PHACTR2: variants seen among roughly 807,000 people sequenced by gnomAD.
The protein encoded by PHACTR2 is chromosome 6 open reading frame 56.
PHACTR2 carries 30 observed loss-of-function variants against 76.0 expected under a neutral mutation model. The observed-to-expected ratio is 0.39, with a 90% CI of 0.30 to 0.54. The LOEUF (loss-of-function observed/expected upper bound fraction) is 0.54, where lower values mean the gene tolerates loss of function less well. PHACTR2 is among the 20% of genes least tolerant of loss of function. The probability of loss-of-function intolerance (pLI) is 0.61; values close to 1 mark genes in which losing one functional copy is unlikely to be tolerated. For synonymous variants in PHACTR2, 292 were observed against 292.5 expected (o/e 1.00, Z 0.02); for missense variants, 696 against 781.1 (o/e 0.89, Z 1.30).
At chr6:143,720,813 A>G (rs945035285) in intron 2 of PHACTR2, among the ~76,000 whole-genome samples, 1 of 151,992 alleles carries the variant, frequency 6.6e-6, no homozygotes, top group Admixed American at 6.6e-5. Context: ...AGATCTCGCT[A>G]TGTTGCCCAG....
chr6:143,574,336 G>A (rs953726374), intron 1 of PHACTR2, among the ~76,000 whole-genome samples: 4 of 152,116 alleles, frequency 2.6e-5, no homozygotes, highest in African/African-American at 7.2e-5. Context: ...ACATTCTATC[G>A]ATAAAAACAA....
intron 1 of PHACTR2, among the ~76,000 whole-genome samples, chr6:143,586,549 A>G (rs1775631911): frequency 6.6e-6 from 1 of 152,254 alleles, no homozygotes; most frequent in Non-Finnish European, 1.5e-5. Context: ...TTGAAGAGGC[A>G]GTGTTTCAGC....
chr6:143,729,721 A>C (rs928453823), intron 2 of PHACTR2, among the ~76,000 whole-genome samples: 10 of 152,088 alleles, frequency 6.6e-5, no homozygotes, highest in Admixed American at 2.6e-4. Context: ...CTTAATGTTC[A>C]GTTTGAGAGT....
At position 143,765,525 on chromosome 6, in the gene PHACTR2, T is replaced by C. The variant is rs777874434; in HGVS notation, c.959T>C (p.Val320Ala). Residue 320 changes from valine to alanine, a missense_variant, in exon 6 of 13, where the codon GTC (valine) becomes GCC (alanine). Around this residue, in one of 2 missense-constraint regions of PHACTR2, gnomAD observed 460 missense variants for 450.9 expected, o/e 1.02. Coordinates refer to ENST00000440869, the MANE Select transcript of PHACTR2 (RefSeq NM_001100164.2). This position sits in a 1 kb window ranked among gnomAD's most constrained non-coding sequence, Gnocchi z 4.1. ...RVESFKLEQT[V>A]PGAEEQNTGK... is the part of the protein sequence containing the mutation. ...GAGAGTTTCAAACTCGAACAGACTGTCCCTGGAGCTGAGGAGCAGAACACA... is the reference window on the plus strand; with the variant it reads ...GAGAGTTTCAAACTCGAACAGACTGCCCCTGGAGCTGAGGAGCAGAACACA... The C allele has an allele frequency of 6.2e-7, 1 of 1,614,202 alleles. No individual in the cohort carries two copies. Among genetic ancestry groups the C allele is most frequent in the African/African-American group, 1.3e-5 (1 of 75,038 alleles).
rs909830682 is a variant in PHACTR2 at position 143,546,418 on chromosome 6, T to C, written c.217+9211T>C. 6.6e-6 allele frequency among the ~76,000 whole-genome samples: 1 copy of C among 151,898 alleles called. No homozygotes were observed. Among genetic ancestry groups the C allele is most frequent in the Non-Finnish European group, 1.5e-5 (1 of 68,006 alleles). On this transcript the variant is annotated intron_variant, in intron 1 of 11. Transcript: ENST00000367584. This position sits in a 1 kb window ranked among gnomAD's most constrained non-coding sequence, Gnocchi z 4.9. ...CTTTGGACTGTGGCTAGGGCAAGAA[T>C]GTCAGAGGTACAATGCTTTGATTTT...
intron 2 of PHACTR2, among the ~76,000 whole-genome samples, chr6:143,719,238 A>T (rs933899507): frequency 4.7e-5 from 7 of 148,952 alleles, no homozygotes; most frequent in Non-Finnish European, 1.0e-4. Context: ...AAGAGGAAGG[A>T]ATCTTTCCTT....
rs571601440 is a variant in PHACTR2 at position 143,760,311 on chromosome 6, G to A, written c.455-90G>A. The A allele has an allele frequency of 8.5e-6, 10 of 1,177,712 alleles. No homozygotes were observed. Among genetic ancestry groups the A allele is most frequent in the South Asian group, 2.9e-5 (2 of 68,920 alleles). 73.0% of individuals were successfully genotyped at this position (1,177,712 alleles called of 1,614,324 possible). A position where few individuals can be genotyped will look rare whatever the true frequency, so the allele number is the denominator to read the frequency against. On this transcript the variant is annotated intron_variant, in intron 4 of 12. Coordinates refer to ENST00000440869, the MANE Select transcript of PHACTR2 (RefSeq NM_001100164.2). The surrounding 1 kb of genome is among the most constrained non-coding windows in gnomAD (Gnocchi z 6.4). ...TGATTCTCAAGTACCAAGCAGACACGCTTTGTGTCACTATCGTCATGTCTT... is the reference window on the plus strand; with the variant it reads ...TGATTCTCAAGTACCAAGCAGACACACTTTGTGTCACTATCGTCATGTCTT...
At chr6:143,740,032 G>A (rs189230805) in intron 2 of PHACTR2, among the ~76,000 whole-genome samples, 1 of 152,296 alleles carries the variant, frequency 6.6e-6, no homozygotes, top group East Asian at 1.9e-4. Flanking sequence ...GAAAGTAAAG[G>A]AATAAGAGAA....
Position 143,609,010 on chromosome 6 carries a change from G to C in PHACTR2, c.13+688G>C, listed in dbSNP as rs548168131. On this transcript the variant is annotated intron_variant, in intron 1 of 11. Coordinates refer to the PHACTR2 transcript ENST00000305766. Reference sequence around the variant, plus strand: ...ATTGAACTTTTAGAGGAGATATACTGTGAGATCATGCCCCATTTCAGTGTT... The same window carrying C: ...ATTGAACTTTTAGAGGAGATATACTCTGAGATCATGCCCCATTTCAGTGTT... Among the ~76,000 whole-genome samples the C allele has an allele frequency of 1.3e-4, 20 of 152,206 alleles. No homozygotes were observed. The South Asian group carries it at 3.9e-3, about 30-fold the overall frequency.
At position 143,598,980 on chromosome 6, in the gene PHACTR2, A is replaced by G. The variant is rs1775782639; in HGVS notation, c.217+61773A>G. ...TGTAATTAAATTTAGATAGCATCTC[A>G]CCCCTGACTCTTTTAGAACAATGAT... On this transcript the variant is annotated intron_variant, in intron 1 of 11. Transcript: ENST00000367584. This position sits in a 1 kb window ranked among gnomAD's most constrained non-coding sequence, Gnocchi z 4.1. Among the ~76,000 whole-genome samples the G allele has an allele frequency of 6.6e-6, 1 of 152,126 alleles. No homozygotes were observed. The highest frequency in any genetic ancestry group is 6.5e-5 in the Admixed American group (1 of 15,274).
chr6:143,541,227 T>C lies in PHACTR2; in HGVS notation c.217+4020T>C, dbSNP rs967840172. Among the ~76,000 whole-genome samples the C allele has an allele frequency of 2.6e-5, 4 of 152,260 alleles. No homozygotes were observed. Among genetic ancestry groups the C allele is most frequent in the East Asian group, 1.9e-4 (1 of 5,202 alleles). ...AGTTTTAGACAGATCCTGTTCGGTATTAAGGAGCTTTGATAACTTTTTAGT... is the reference window on the plus strand; with the variant it reads ...AGTTTTAGACAGATCCTGTTCGGTACTAAGGAGCTTTGATAACTTTTTAGT... On this transcript the variant is annotated intron_variant, in intron 1 of 11. Transcript: ENST00000367584. This position sits in a 1 kb window ranked among gnomAD's most constrained non-coding sequence, Gnocchi z 5.3.
chr6:143,673,228 G>T (rs530736746), upstream of PHACTR2, among the ~76,000 whole-genome samples: 1 of 151,992 alleles, frequency 6.6e-6, no homozygotes, highest in Non-Finnish European at 1.5e-5. Context: ...ATTTCAGAGG[G>T]GCATACAAAA....
rs1775225223 is a variant in PHACTR2, at chr6:143,774,347, G to C, written c.1589+132G>C. On this transcript the variant is annotated intron_variant, in intron 8 of 12. Coordinates refer to ENST00000440869, the MANE Select transcript of PHACTR2 (RefSeq NM_001100164.2). The surrounding 1 kb of genome is among the most constrained non-coding windows in gnomAD (Gnocchi z 5.4). ...CTGGCCTACTGGGTCTTTTAAAGTT[G>C]GTCTTGCATGATGAAACACTCGAAG... is the stretch of plus-strand genomic sequence containing the variant. The C allele has an allele frequency of 1.7e-6, 1 of 601,806 alleles. No homozygotes were observed. Among genetic ancestry groups the C allele is most frequent in the African/African-American group, 1.9e-5 (1 of 52,254 alleles). 37.3% of individuals were successfully genotyped at this position (601,806 alleles called of 1,614,324 possible).
chr6:143,772,432 C>T lies in PHACTR2; in HGVS notation c.1407C>T (p.Asp469=), dbSNP rs1288063986. The T allele has an allele frequency of 1.3e-5, 21 of 1,613,746 alleles. No homozygotes were observed. Among genetic ancestry groups the T allele is most frequent in the Middle Eastern group, 1.6e-4 (1 of 6,084 alleles). The change falls in exon 7 of 13, where the codon GAC becomes GAT. Residue 469 remains aspartate, a synonymous_variant. Coordinates refer to ENST00000440869, the MANE Select transcript of PHACTR2 (RefSeq NM_001100164.2). The surrounding 1 kb of genome is among the most constrained non-coding windows in gnomAD (Gnocchi z 5.4). ...TGTACACCGATGATGAGGACGAAGA[C>T]GAAGATGAGGATGGCAGTGGAGAAA... is the stretch of plus-strand genomic sequence containing the variant. ...PILYTDDEDE[D]EDEDGSGESA... is the part of the protein sequence containing the mutation.
intron 1 of PHACTR2, among the ~76,000 whole-genome samples, chr6:143,565,265 A>G (rs1292389808): frequency 6.6e-6 from 1 of 152,182 alleles, no homozygotes; most frequent in African/African-American, 2.4e-5. Context: ...AAAATACATA[A>G]TATGTTAGAA....
chr6:143,734,519 C>A (rs953102411), intron 2 of PHACTR2, among the ~76,000 whole-genome samples: 2 of 152,290 alleles, frequency 1.3e-5, no homozygotes, highest in Non-Finnish European at 1.5e-5. Flanking sequence ...TTTCACTGAG[C>A]ATTCTGTGAA....
rs964706207 is a variant in PHACTR2 at position 143,811,872 on chromosome 6, T to C, written c.1922+4739T>C. On this transcript the variant is annotated intron_variant, in intron 12 of 12. Transcript: ENST00000440869. This position sits in a 1 kb window ranked among gnomAD's most constrained non-coding sequence, Gnocchi z 4.1. ...TGATCCAGTTTTACATTTAGCAAAT[T>C]GTTCATAAAAAAGGTGGTGGTACTC... 1.2e-4 allele frequency among the ~76,000 whole-genome samples: 18 copies of C among 152,220 alleles called. No individual in the cohort carries two copies. Among genetic ancestry groups the C allele is most frequent in the Non-Finnish European group, 2.4e-4 (16 of 68,042 alleles).
chr6:143,563,950 G>GC (rs1775321245), intron 1 of PHACTR2, among the ~76,000 whole-genome samples: 1 of 151,898 alleles, frequency 6.6e-6, no homozygotes, highest in African/African-American at 2.4e-5. Context: ...GCTGCATTGA[G>GC]CTGAGATCGT....
At position 143,731,202 on chromosome 6, in the gene PHACTR2, C is replaced by A. The variant is rs1471278813; in HGVS notation, c.215-17783C>A. Among the ~76,000 whole-genome samples the A allele has an allele frequency of 6.6e-6, 1 of 152,128 alleles. No individual in the cohort carries two copies. The highest frequency in any genetic ancestry group is 1.5e-5 in the Non-Finnish European group (1 of 68,034). ...GGTCATTTCAGTTTTTTTCTTTAGA[C>A]CACTATTATGGTTGATTACATTGGC... On this transcript the variant is annotated intron_variant, in intron 2 of 12. Transcript: ENST00000440869. This position sits in a 1 kb window ranked among gnomAD's most constrained non-coding sequence, Gnocchi z 4.9.
Sources: allele counts gnomAD v4.1 joint callset (sites outside exome capture counted in the v4.1 genomes callset), GRCh38; gene constraint gnomAD v4.1.1; regional missense constraint gnomAD v4.1.1; non-coding constraint Gnocchi (gnomAD v3.1); transcripts MANE v1.5; gene names NCBI Gene and HGNC (gene_info 2026-07-23, HGNC 2026-07-21).